The following MAP3K7CL variants were observed in gnomAD, a reference collection of about 807,000 sequenced individuals.
MAP3K7CL encodes the protein MAP3K7 C-terminal like.
A neutral mutation model predicts 18.6 loss-of-function variants in MAP3K7CL; 16 were observed. That is an observed-to-expected ratio of 0.86 (90% CI 0.58 to 1.31). The LOEUF (loss-of-function observed/expected upper bound fraction) is 1.31, where lower values mean the gene tolerates loss of function less well. MAP3K7CL is among the 50% of genes most tolerant of loss of function. The pLI, the probability that MAP3K7CL is intolerant of heterozygous loss-of-function variation, is 0.00. For synonymous variants in MAP3K7CL, 65 were observed against 66.8 expected (o/e 0.97, Z 0.13); for missense variants, 163 against 174.4 (o/e 0.93, Z 0.37).
At chr21:29,120,745 T>TCTTC (rs970548037) in intron 4 of MAP3K7CL, among the ~76,000 whole-genome samples, 3 of 151,654 alleles carry the variant, frequency 2.0e-5, no homozygotes, top group South Asian at 2.1e-4. Flanking sequence ...CTTCCTTCCT[T>TCTTC]CTTCCTTCCT....
exon 4 of MAP3K7CL, chr21:29,092,451 A>G: frequency 1.2e-6 from 2 of 1,614,226 alleles, no homozygotes; most frequent in Non-Finnish European, 1.7e-6. Context: ...TTTCAGTTTT[A>G]TGCTCTGCAA....
upstream of MAP3K7CL, among the ~76,000 whole-genome samples, chr21:29,084,707 A>G (rs926116646): frequency 1.3e-5 from 2 of 152,210 alleles, no homozygotes; most frequent in Non-Finnish European, 2.9e-5. Flanking sequence ...CTCTATGCCA[A>G]ATGCACCATC....
At chr21:29,151,104 A>G (rs2087262152) in intron 3 of MAP3K7CL, among the ~76,000 whole-genome samples, 1 of 151,472 alleles carries the variant, frequency 6.6e-6, no homozygotes, top group Non-Finnish European at 1.5e-5. Flanking sequence ...ACTGCAAGTG[A>G]TAGTTCTTGC....
upstream of MAP3K7CL, among the ~76,000 whole-genome samples, chr21:29,128,389 G>A (rs771294434): frequency 5.5e-4 from 83 of 151,196 alleles, no homozygotes; most frequent in Non-Finnish European, 1.0e-3. Flanking sequence ...TGCAAGCTCC[G>A]CCTCCTGGGT....
At chr21:29,104,818 A>G (rs1377482865) in intron 4 of MAP3K7CL, among the ~76,000 whole-genome samples, 1 of 152,184 alleles carries the variant, frequency 6.6e-6, no homozygotes, top group Admixed American at 6.5e-5. Flanking sequence ...CTCTTTCTAC[A>G]TGTACCCTCT....
chr21:29,171,600 G>A (rs2087828516), intron 4 of MAP3K7CL, among the ~76,000 whole-genome samples: 1 of 152,158 alleles, frequency 6.6e-6, no homozygotes, highest in African/African-American at 2.4e-5. Flanking sequence ...AGGATCACCT[G>A]AGGTCAGGAC....
chr21:29,115,527 C>T (rs1274149308), intron 4 of MAP3K7CL, among the ~76,000 whole-genome samples: 4 of 152,174 alleles, frequency 2.6e-5, no homozygotes, highest in African/African-American at 9.7e-5. Flanking sequence ...CAGTCATGGC[C>T]TGGATGTGAA....
At chr21:29,124,307 T>C (rs994558458) in intron 4 of MAP3K7CL, among the ~76,000 whole-genome samples, 8 of 133,938 alleles carry the variant, frequency 6.0e-5, no homozygotes, top group African/African-American at 2.1e-4. Context: ...TGAGCCGATA[T>C]CGCGCCACTG....
At position 29,159,982 on chromosome 21, in the gene MAP3K7CL, G is replaced by T; in HGVS notation, c.174G>T (p.Val58=). 6.2e-7 allele frequency: 1 copy of T among 1,614,150 alleles called. No individual in the cohort carries two copies. Among genetic ancestry groups the T allele is most frequent in the Admixed American group, 1.7e-5 (1 of 60,014 alleles). Residue 58 remains valine, a synonymous_variant, in exon 4 of 5, where the codon GTG becomes GTT. Coordinates refer to ENST00000399928, the MANE Select transcript of MAP3K7CL (RefSeq NM_001286620.2). ...ATGACTCCGAGGAATCCATGGAGGT[G>T]TTCAAACAGCACTGCCAAATAGCAG... ...PCHDSEESME[V]FKQHCQIAEE...
intron 1 of MAP3K7CL, among the ~76,000 whole-genome samples, chr21:29,078,409 T>C (rs1279930530): frequency 6.6e-6 from 1 of 152,216 alleles, no homozygotes; most frequent in Non-Finnish European, 1.5e-5. Context: ...TTATTCACTT[T>C]CTGAGTTTGG....
intron 4 of MAP3K7CL, among the ~76,000 whole-genome samples, chr21:29,113,310 A>G (rs996343738): frequency 3.3e-5 from 5 of 152,170 alleles, no homozygotes; most frequent in African/African-American, 4.8e-5. Flanking sequence ...TTGGACCTCA[A>G]CGTGGCCTTC....
intron 1 of MAP3K7CL, among the ~76,000 whole-genome samples, chr21:29,087,750 C>T (rs923936888): frequency 3.3e-5 from 5 of 151,874 alleles, no homozygotes; most frequent in Admixed American, 2.0e-4. Flanking sequence ...CCCACCACCA[C>T]GACCGGCTAA....
chr21:29,174,301 T>C (rs908703556), intron 4 of MAP3K7CL, among the ~76,000 whole-genome samples: 15 of 152,266 alleles, frequency 9.9e-5, no homozygotes, highest in African/African-American at 3.4e-4. Context: ...CAAAGGAAGA[T>C]AACAACTGAA....
intron 4 of MAP3K7CL, among the ~76,000 whole-genome samples, chr21:29,118,435 A>G (rs1013894645): frequency 1.3e-5 from 2 of 151,684 alleles, no homozygotes; most frequent in African/African-American, 2.4e-5. Flanking sequence ...ATTTAGTTCC[A>G]GAAATATTTA....
At chr21:29,146,144 C>A (rs1332141442) in intron 2 of MAP3K7CL, among the ~76,000 whole-genome samples, 1 of 152,002 alleles carries the variant, frequency 6.6e-6, no homozygotes, top group East Asian at 1.9e-4. Flanking sequence ...CCTTAAGATT[C>A]ATTCCTGGCT....
chr21:29,172,241 C>CTTTTTTTTT (rs35612617), intron 4 of MAP3K7CL, among the ~76,000 whole-genome samples: 7 of 126,246 alleles, frequency 5.5e-5, no homozygotes, highest in Admixed American at 8.4e-5. Context: ...TTGTCATTTT[C>CTTTTTTTTT]TTTTTTTTTT....
At chr21:29,107,979 G>A (rs1296692247) in intron 4 of MAP3K7CL, among the ~76,000 whole-genome samples, 1 of 152,130 alleles carries the variant, frequency 6.6e-6, no homozygotes, top group Non-Finnish European at 1.5e-5. Context: ...CAACAACATT[G>A]CAAGGAACAT....
chr21:29,098,119 C>T (rs1166049123), intron 4 of MAP3K7CL, among the ~76,000 whole-genome samples: 2 of 152,210 alleles, frequency 1.3e-5, no homozygotes, highest in Non-Finnish European at 2.9e-5. Context: ...CCATACTGGA[C>T]AATAACCATC....
At chr21:29,160,643 C>T (rs576350750) in intron 4 of MAP3K7CL, among the ~76,000 whole-genome samples, 1 of 152,328 alleles carries the variant, frequency 6.6e-6, no homozygotes, top group Admixed American at 6.5e-5. Context: ...AGTGCCTACC[C>T]CAGTGAATCC....
Sources: allele counts gnomAD v4.1 joint callset (sites outside exome capture counted in the v4.1 genomes callset), GRCh38; gene constraint gnomAD v4.1.1; transcripts MANE v1.5; gene names NCBI Gene and HGNC (gene_info 2026-07-23, HGNC 2026-07-21).